The following F13B variants were observed in gnomAD, a reference collection of about 807,000 sequenced individuals.
The protein encoded by F13B is TGase.
A neutral mutation model predicts 79.8 loss-of-function variants in F13B; 58 were observed. The ratio of observed to expected loss-of-function variants is 0.73; its 90% CI spans 0.59 to 0.90. The LOEUF (loss-of-function observed/expected upper bound fraction) is 0.90. Among genes scored for constraint, F13B ranks in the 40% least tolerant of loss-of-function variants. The probability of loss-of-function intolerance (pLI) is 0.00; values close to 1 mark genes in which losing one functional copy is unlikely to be tolerated. For missense variants in F13B, 773 were observed against 777.0 expected, an observed-to-expected ratio of 0.99 and a Z score of 0.06; for synonymous variants, 283 against 260.3, an observed-to-expected ratio of 1.09 and a Z score of -0.84.
At chr1:197,064,991 G>A (rs1190182744) in intron 1 of F13B, among the ~76,000 whole-genome samples, 1 of 152,148 alleles carries the variant, frequency 6.6e-6, no homozygotes, top group Admixed American at 6.6e-5. Context: ...AATGGATGTG[G>A]AATGATGAGC....
chr1:197,040,529 T>C lies in F13B; in HGVS notation c.1945A>G (p.Arg649Gly), dbSNP rs1233207979. 3.7e-6 allele frequency: 6 copies of C among 1,610,494 alleles called. No homozygotes were observed. The highest frequency in any genetic ancestry group is 4.2e-6 in the Non-Finnish European group (5 of 1,177,908). ...AAAAAAAAAACTTCTTACCTTTGTC[T>C]TGGAATACATCTTGGATATTTTAAC... is the stretch of plus-strand genomic sequence containing the variant. ...GQLKYPRCIP[R>G]QSTLSYQEPL... Residue 649 changes from arginine (R) to glycine (G), a missense_variant, in exon 11 of 12, where the codon AGA (arginine) becomes GGA (glycine). Coordinates refer to ENST00000367412, the MANE Select transcript of F13B (RefSeq NM_001994.3).
At chr1:197,061,698 A>C (rs980094557) in intron 3 of F13B, 86 bp downstream of exon 3, 1 of 1,079,346 alleles carries the variant, frequency 9.3e-7, no homozygotes, top group African/African-American at 1.6e-5. Context: ...AATTCTATTA[A>C]ATAATAGATA....
At chr1:197,058,221 A>G (rs1655719434) in intron 5 of F13B, among the ~76,000 whole-genome samples, 1 of 152,194 alleles carries the variant, frequency 6.6e-6, no homozygotes, top group African/African-American at 2.4e-5. Context: ...CATGTTATAG[A>G]CAAACTAAAA....
chr1:197,065,649 T>C (rs1464645022), intron 1 of F13B, among the ~76,000 whole-genome samples: 1 of 152,148 alleles, frequency 6.6e-6, no homozygotes, highest in East Asian at 1.9e-4. Context: ...AGTACAAGAA[T>C]AGACTCAATA....
At chr1:197,039,827 G>C (rs1654971185) in intron 11 of F13B, among the ~76,000 whole-genome samples, 1 of 151,872 alleles carries the variant, frequency 6.6e-6, no homozygotes, top group Non-Finnish European at 1.5e-5. Context: ...AGTTCATACA[G>C]TTCATTGTTT....
At position 197,063,009 on chromosome 1, in the gene F13B, T is replaced by C. The variant is rs1199651158; in HGVS notation, c.113A>G (p.Tyr38Cys). The C allele has an allele frequency of 6.2e-7, 1 of 1,613,222 alleles. No individual in the cohort carries two copies. Among genetic ancestry groups the C allele is most frequent in the Non-Finnish European group, 8.5e-7 (1 of 1,179,662 alleles). ...PHVENGRIAQ[Y>C]YYTFKSFYFP... is the part of the protein sequence containing the mutation. Reference sequence around the variant, plus strand: ...GTAAAAGCTTTTAAAAGTATAGTAATATTGGGCAATTCTTCCATTTTCCAC... The same window carrying C: ...GTAAAAGCTTTTAAAAGTATAGTAACATTGGGCAATTCTTCCATTTTCCAC... Residue 38 changes from tyrosine to cysteine, a missense_variant, in exon 2 of 12, where the codon TAT (tyrosine) becomes TGT (cysteine). Tyr to Cys is a radical substitution (Grantham distance 194, BLOSUM62 -2). Transcript: ENST00000367412.
Position 197,052,963 on chromosome 1 carries a change from TCTCA to T in F13B, c.1355-133_1355-130del, listed in dbSNP as rs17514317. The T allele has an allele frequency of 0.86, 543,128 of 629,472 alleles. 241,468 individuals are homozygous for T. Among genetic ancestry groups the T allele is most frequent in the East Asian group, 0.98 (35,000 of 35,692 alleles). 39.0% of individuals were successfully genotyped at this position (629,472 alleles called of 1,614,324 possible). A position where few individuals can be genotyped will look rare whatever the true frequency, so the allele number is the denominator to read the frequency against. On this transcript the variant is annotated intron_variant, in intron 8 of 11. Transcript: ENST00000367412. ...TAATTGAAATCATAATTAAGGCTTC[TCTCA>T]CACACATATATATATAAGAAAATAT... is the stretch of plus-strand genomic sequence containing the variant.
chr1:197,040,863 A>C (rs1209848400), intron 10 of F13B, 128 bp from the exon 11 acceptor site: 3 of 680,914 alleles, frequency 4.4e-6, no homozygotes, highest in Admixed American at 2.8e-5. Context: ...TAAGAGCAGC[A>C]AGTCAGTTAA....
intron 8 of F13B, 52 bp downstream of exon 8, chr1:197,055,663 G>GA: frequency 1.9e-6 from 3 of 1,565,996 alleles, no homozygotes; most frequent in Non-Finnish European, 2.6e-6. Flanking sequence ...AACACTGTAA[G>GA]AAAATCACAT....
intron 10 of F13B, among the ~76,000 whole-genome samples, chr1:197,044,047 A>G (rs986301511): frequency 5.9e-5 from 9 of 151,690 alleles, no homozygotes; most frequent in Non-Finnish European, 1.0e-4. Context: ...TAACTCATAT[A>G]TATATATATT....
chr1:197,060,871 G>A (rs1655828667), intron 4 of F13B, 28 bp downstream of exon 4: 3 of 1,601,202 alleles, frequency 1.9e-6, no homozygotes, highest in African/African-American at 1.3e-5. Flanking sequence ...CAGAGTGAGA[G>A]TAGATTTTAT....
chr1:197,055,936 T>C, intron 7 of F13B, 39 bp from the exon 8 acceptor site: 1 of 1,439,744 alleles, frequency 6.9e-7, no homozygotes, highest in Non-Finnish European at 9.8e-7. Flanking sequence ...TATGAGCTCA[T>C]AACAATATAC....
chr1:197,061,764 T>A lies in F13B; in HGVS notation c.451+20A>T, dbSNP rs772285721. On this transcript the variant is annotated intron_variant, in intron 3 of 11. Transcript: ENST00000367412. ...GCTTGATAAGCACTTATCTTCAGTTTTAGGAAATGATTCTTATACCATGTT... is the reference window on the plus strand; with the variant it reads ...GCTTGATAAGCACTTATCTTCAGTTATAGGAAATGATTCTTATACCATGTT... 1 of 1,606,056 alleles carries A rather than the reference T, an allele frequency of 6.2e-7. No individual in the cohort carries two copies. Among genetic ancestry groups the A allele is most frequent in the South Asian group, 1.1e-5 (1 of 90,890 alleles).
Position 197,050,858 on chromosome 1 carries a change from G to A in F13B, c.1577C>T (p.Ser526Phe). The A allele has an allele frequency of 6.2e-7, 1 of 1,612,940 alleles. No homozygotes were observed. Among genetic ancestry groups the A allele is most frequent in the South Asian group, 1.1e-5 (1 of 91,050 alleles). Reference sequence around the variant, plus strand: ...GACTCCATGTTTAATAAGAGGAGGAGATGTGCACATTCCTTTAGATTCTGC... The same window carrying A: ...GACTCCATGTTTAATAAGAGGAGGAAATGTGCACATTCCTTTAGATTCTGC... The part of the protein sequence containing the change: ...TRKESKGMCT[S>F]PPLIKHGVII... Residue 526 changes from serine to phenylalanine, a missense_variant, in exon 10 of 12, where the codon TCT becomes TTT. Coordinates refer to ENST00000367412, the MANE Select transcript of F13B (RefSeq NM_001994.3).
chr1:197,052,981 A>G, intron 8 of F13B, 147 bp from the exon 9 acceptor site: 3 of 568,846 alleles, frequency 5.3e-6, no homozygotes, highest in Non-Finnish European at 9.2e-6. Context: ...ACATATATAT[A>G]TAAGAAAATA....
chr1:197,060,992 C>T lies in F13B; in HGVS notation c.535G>A (p.Glu179Lys), dbSNP rs533288735. The change falls in exon 4 of 12, where the codon GAA becomes AAA. Residue 179 changes from glutamate (E) to lysine (K), a missense_variant. Coordinates refer to ENST00000367412, the MANE Select transcript of F13B (RefSeq NM_001994.3). ...TFKVKDKVQY[E>K]CATGYYTAGG... ...GCTGTGTAGTAGCCAGTAGCACATT[C>T]GTATTGTACTTTGTCCTTCACTTTG... 4.2e-5 allele frequency: 68 copies of T among 1,610,546 alleles called. No homozygotes were observed. In the Admixed American group the frequency reaches 8.8e-4, roughly 21 times the overall value.
At position 197,045,007 on chromosome 1, in the gene F13B, C is replaced by T. The variant is rs17514760; in HGVS notation, c.1739-4272G>A. On this transcript the variant is annotated intron_variant, in intron 10 of 11. Coordinates refer to ENST00000367412, the MANE Select transcript of F13B (RefSeq NM_001994.3). ...CAGAATCTCTGGGACACATTTAAAG[C>T]AGTGTGTAGTGGGAAATTTATAGCA... is the stretch of plus-strand genomic sequence containing the variant. Among the ~76,000 whole-genome samples, 1,119 of 152,190 alleles carry T rather than the reference C, an allele frequency of 7.4e-3. 14 individuals are homozygous for T. Among genetic ancestry groups the T allele is most frequent in the African/African-American group, 0.026 (1,068 of 41,532 alleles).
intron 2 of F13B, 43 bp downstream of exon 2, chr1:197,062,814 C>A (rs952740716): frequency 3.8e-6 from 6 of 1,590,836 alleles, no homozygotes; most frequent in Admixed American, 1.7e-5. Context: ...ATACAAATTT[C>A]TTTGAGTATT....
chr1:197,054,177 T>G (rs1655554735), intron 8 of F13B, among the ~76,000 whole-genome samples: 1 of 152,124 alleles, frequency 6.6e-6, no homozygotes, highest in African/African-American at 2.4e-5. Context: ...CCTAACTCTC[T>G]TGAGGCAGTT....
Sources: gnomAD v4.1 joint callset for allele counts (sites outside exome capture counted in the v4.1 genomes callset) on GRCh38, gnomAD v4.1.1 for gene constraint, MANE v1.5 for transcripts, NCBI Gene and HGNC (gene_info 2026-07-23, HGNC 2026-07-21) for gene names.